The following SLC36A1 variants were observed in gnomAD, a reference collection of about 807,000 sequenced individuals.
SLC36A1 encodes proton-coupled amino acid transporter 1.
SLC36A1 carries 30 observed loss-of-function variants against 47.5 expected under a neutral mutation model. That is an observed-to-expected ratio of 0.63 (90% CI 0.47 to 0.86). SLC36A1 has a LOEUF of 0.86. SLC36A1 is among the 40% of genes least tolerant of loss of function. SLC36A1 has a pLI of 0.00. For synonymous variants in SLC36A1, 255 were observed against 249.7 expected (o/e 1.02, Z -0.20); for missense variants, 517 against 606.0 (o/e 0.85, Z 1.54).
chr5:151,537,235 A>AG, the SLC36A1 span, among the ~76,000 whole-genome samples: 1 of 114,932 alleles, frequency 8.7e-6, no homozygotes, highest in Admixed American at 9.2e-5. Context: ...AGGAGGAGGA[A>AG]GAAGAAGAAA....
chr5:151,456,696 TG>T (rs893990076), intron 1 of SLC36A1, among the ~76,000 whole-genome samples: 1 of 152,226 alleles, frequency 6.6e-6, no homozygotes, highest in East Asian at 1.9e-4. Flanking sequence ...GGATCGTCTC[TG>T]GGATTTCCAG....
the SLC36A1 span, chr5:151,505,726 C>A: frequency 1.2e-6 from 2 of 1,613,840 alleles, no homozygotes; most frequent in Admixed American, 1.7e-5. Context: ...ATACCCACCC[C>A]CTTGTAGCCC....
chr5:151,467,649 T>A (rs1756635545), intron 6 of SLC36A1, 58 bp from the exon 7 acceptor site: 1 of 1,408,862 alleles, frequency 7.1e-7, no homozygotes, highest in Non-Finnish European at 1.0e-6. Context: ...CAGCAGAGGA[T>A]CCACCGGCCT....
chr5:151,552,600 A>T, the SLC36A1 span, among the ~76,000 whole-genome samples: 5,600 of 152,296 alleles, frequency 0.037, 242 homozygotes, highest in African/African-American at 0.1. Flanking sequence ...ACTTTCTGGG[A>T]AGAGGACCTA....
At chr5:151,470,216 C>G (rs1561764006) in intron 7 of SLC36A1, among the ~76,000 whole-genome samples, 2 of 152,148 alleles carry the variant, frequency 1.3e-5, no homozygotes, top group Non-Finnish European at 2.9e-5. Flanking sequence ...CTCTCAAGAG[C>G]ACCTAGGATA....
At chr5:151,512,515 C>A in the SLC36A1 span, 1 of 1,614,098 alleles carries the variant, frequency 6.2e-7, no homozygotes, top group Non-Finnish European at 8.5e-7. This position sits in a 1 kb window ranked among gnomAD's most constrained non-coding sequence, Gnocchi z 4.1. Flanking sequence ...GATGGAGTGC[C>A]ACTCGTGGTC....
chr5:151,368,869 A>G, the SLC36A1 span, among the ~76,000 whole-genome samples: 3 of 152,234 alleles, frequency 2.0e-5, no homozygotes, highest in African/African-American at 7.2e-5. Flanking sequence ...CAGAGCTGCA[A>G]CAAAGGACTT....
At chr5:151,543,405 G>A in the SLC36A1 span, 6 of 1,613,934 alleles carry the variant, frequency 3.7e-6, no homozygotes, top group Non-Finnish European at 5.1e-6. Flanking sequence ...CATCTGTGAG[G>A]ATGATCTTCA....
At chr5:151,493,257 C>T (rs957228604), downstream of SLC36A1, among the ~76,000 whole-genome samples, 2 of 152,136 alleles carry the variant, frequency 1.3e-5, no homozygotes, top group African/African-American at 4.8e-5. Flanking sequence ...AATTTGTTCG[C>T]ACCAGCAAGC....
chr5:151,367,071 C>A, the SLC36A1 span, among the ~76,000 whole-genome samples: 2,234 of 151,266 alleles, frequency 0.015, 51 homozygotes, highest in African/African-American at 0.052. Flanking sequence ...AAAGCAGAAC[C>A]ACTGATAAGG....
the SLC36A1 span, among the ~76,000 whole-genome samples, chr5:151,498,831 AC>A: frequency 2.0e-5 from 3 of 152,228 alleles, no homozygotes; most frequent in East Asian, 3.9e-4. Context: ...GCCCCTGTGG[AC>A]CCATCCTGGC....
chr5:151,386,303 A>G, the SLC36A1 span, among the ~76,000 whole-genome samples: 1 of 152,198 alleles, frequency 6.6e-6, no homozygotes, highest in Non-Finnish European at 1.5e-5. Flanking sequence ...TGAGGTTGGA[A>G]TAAGCACTAC....
the SLC36A1 span, among the ~76,000 whole-genome samples, chr5:151,426,066 T>G: frequency 5.3e-5 from 8 of 152,146 alleles, no homozygotes; most frequent in Non-Finnish European, 5.9e-5. Context: ...ACCCTTATTT[T>G]TTTAAGGAGG....
chr5:151,506,100 G>A, the SLC36A1 span: 1 of 1,509,038 alleles, frequency 6.6e-7, no homozygotes, highest in Non-Finnish European at 8.8e-7. Flanking sequence ...AGGGTACACT[G>A]AAAGGGAACA....
chr5:151,394,464 AGAG>A, the SLC36A1 span, among the ~76,000 whole-genome samples: 1 of 152,162 alleles, frequency 6.6e-6, no homozygotes, highest in Admixed American at 6.5e-5. Flanking sequence ...ACTCCTTTGG[AGAG>A]GGAGAGGCTC....
chr5:151,442,632 A>G (rs1192810308), upstream of SLC36A1, among the ~76,000 whole-genome samples: 1 of 152,002 alleles, frequency 6.6e-6, no homozygotes, highest in Non-Finnish European at 1.5e-5. Context: ...ATCTCTCCCT[A>G]TCCTTTCCTT....
intron 9 of SLC36A1, among the ~76,000 whole-genome samples, chr5:151,478,494 T>G (rs1203162082): frequency 6.6e-6 from 1 of 152,250 alleles, no homozygotes; most frequent in African/African-American, 2.4e-5. Context: ...GGAATTCTGC[T>G]CTGGCCTCTT....
At chr5:151,519,485 G>A in the SLC36A1 span, among the ~76,000 whole-genome samples, 2 of 152,208 alleles carry the variant, frequency 1.3e-5, no homozygotes, top group African/African-American at 2.4e-5. Flanking sequence ...ATCAGCTGGA[G>A]AATCTTTATG....
the SLC36A1 span, among the ~76,000 whole-genome samples, chr5:151,376,927 C>T: frequency 6.6e-6 from 1 of 152,152 alleles, no homozygotes; most frequent in Non-Finnish European, 1.5e-5. Flanking sequence ...GCCGCCGCAC[C>T]CGGCCAAAAA....
Sources: allele counts gnomAD v4.1 joint callset (sites outside exome capture counted in the v4.1 genomes callset), GRCh38; gene constraint gnomAD v4.1.1; non-coding constraint Gnocchi (gnomAD v3.1); transcripts MANE v1.5; gene names NCBI Gene and HGNC (gene_info 2026-07-23, HGNC 2026-07-21).